CA10: variants seen among roughly 807,000 people sequenced by gnomAD.
The protein encoded by CA10 is carbonic anhydrase 10 (inactive).
CA10 carries 14 observed loss-of-function variants against 44.2 expected under a neutral mutation model. That is an observed-to-expected ratio of 0.32 (90% CI 0.21 to 0.50). CA10 has a LOEUF of 0.50. Ranked by LOEUF, CA10 falls within the 20% of genes least tolerant of loss-of-function variation. The pLI is 0.99. For synonymous variants in CA10, 159 were observed against 141.6 expected (o/e 1.12, Z -0.87); for missense variants, 350 against 409.7 (o/e 0.85, Z 1.26).
At chr17:52,102,315 T>C (rs1003890877) in intron 1 of CA10, among the ~76,000 whole-genome samples, 2 of 152,210 alleles carry the variant, frequency 1.3e-5, no homozygotes, top group Admixed American at 6.5e-5. Context: ...CCTTTTCTCA[T>C]CTCCTTAGTA....
chr17:51,997,438 T>G (rs1985276584), intron 2 of CA10, among the ~76,000 whole-genome samples: 1 of 152,094 alleles, frequency 6.6e-6, no homozygotes, highest in African/African-American at 2.4e-5. Flanking sequence ...GTAGATGGTA[T>G]GTTCTTAGTT....
chr17:51,971,210 A>G (rs1984268951), intron 2 of CA10, among the ~76,000 whole-genome samples: 1 of 152,084 alleles, frequency 6.6e-6, no homozygotes, highest in Non-Finnish European at 1.5e-5. Flanking sequence ...AAATGAACCT[A>G]GAATAAAACA....
intron 1 of CA10, among the ~76,000 whole-genome samples, chr17:52,073,587 C>T (rs748558851): frequency 1.2e-4 from 19 of 152,138 alleles, no homozygotes; most frequent in Non-Finnish European, 2.1e-4. Flanking sequence ...AGACAAAGAG[C>T]TTATTTAAGA....
chr17:51,919,718 C>T (rs1982152157), intron 3 of CA10, among the ~76,000 whole-genome samples: 1 of 152,172 alleles, frequency 6.6e-6, no homozygotes, highest in East Asian at 1.9e-4. Context: ...GTGGCACGAT[C>T]TCTGCTCACT....
chr17:52,124,141 G>C, intron 1 of CA10, among the ~76,000 whole-genome samples: 1 of 152,068 alleles, frequency 6.6e-6, no homozygotes, highest in East Asian at 1.9e-4. Flanking sequence ...TGTATTTCCT[G>C]CCTCTCCAAC....
intron 2 of CA10, among the ~76,000 whole-genome samples, chr17:51,960,223 A>G (rs917686160): frequency 2.0e-4 from 30 of 152,124 alleles, no homozygotes; most frequent in Admixed American, 4.6e-4. Flanking sequence ...ATAATCCTTT[A>G]TAAATAAGAG....
chr17:52,119,263 A>G (rs545999279), intron 1 of CA10, among the ~76,000 whole-genome samples: 9 of 120,140 alleles, frequency 7.5e-5, no homozygotes, highest in African/African-American at 1.9e-4. Flanking sequence ...ATGGCAAAGT[A>G]GTTATTTGTG....
At chr17:51,918,178 TA>T (rs1567884713) in intron 3 of CA10, among the ~76,000 whole-genome samples, 1 of 152,222 alleles carries the variant, frequency 6.6e-6, no homozygotes, top group Admixed American at 6.5e-5. Flanking sequence ...ATGCATTAAA[TA>T]GCAACATACT....
chr17:51,725,122 G>A, intron 4 of CA10, among the ~76,000 whole-genome samples: 1 of 152,232 alleles, frequency 6.6e-6, no homozygotes, highest in Non-Finnish European at 1.5e-5. Context: ...ACTGTAATCT[G>A]ATTCCAAAGC....
intron 3 of CA10, among the ~76,000 whole-genome samples, chr17:51,833,825 G>T (rs896180918): frequency 6.6e-6 from 1 of 152,176 alleles, no homozygotes; most frequent in Non-Finnish European, 1.5e-5. Flanking sequence ...ATATTGTGCT[G>T]TGTTGACATA....
At chr17:52,069,985 A>G (rs932886608) in intron 2 of CA10, among the ~76,000 whole-genome samples, 3 of 152,238 alleles carry the variant, frequency 2.0e-5, no homozygotes, top group African/African-American at 7.2e-5. Flanking sequence ...AATAAGAGGT[A>G]AGGGGTCCAT....
chr17:52,040,129 T>C (rs916986688), intron 2 of CA10, among the ~76,000 whole-genome samples: 3 of 145,394 alleles, frequency 2.1e-5, no homozygotes, highest in African/African-American at 7.9e-5. Flanking sequence ...GATCCCCTTT[T>C]TCCTTTCTTT....
rs540686330 is a variant in CA10, at chr17:51,900,270, GTTTCCT to G, written c.279+30714_279+30719del. On this transcript the variant is annotated intron_variant, in intron 3 of 8. Coordinates refer to ENST00000451037, the MANE Select transcript of CA10 (RefSeq NM_020178.5). ...TTTACTTGTCTAAAAAGATTCTTATGTTTCCTTTGCTTATGAAGCTTAGTTTGGCAG... is the reference window on the plus strand; with the variant it reads ...TTTACTTGTCTAAAAAGATTCTTATGTTGCTTATGAAGCTTAGTTTGGCAG... Among the ~76,000 whole-genome samples, 496 of 152,190 alleles carry G rather than the reference GTTTCCT, an allele frequency of 3.3e-3. 3 individuals carry two copies. Among genetic ancestry groups the G allele is most frequent in the African/African-American group, 0.012 (485 of 41,526 alleles).
intron 3 of CA10, among the ~76,000 whole-genome samples, chr17:51,883,740 T>C (rs1016485591): frequency 1.3e-5 from 2 of 152,222 alleles, no homozygotes; most frequent in African/African-American, 4.8e-5. Flanking sequence ...GGCTCAGTCC[T>C]TAAGCCTTTT....
chr17:51,958,058 A>G (rs1983733809), intron 2 of CA10, among the ~76,000 whole-genome samples: 1 of 152,164 alleles, frequency 6.6e-6, no homozygotes, highest in African/African-American at 2.4e-5. Context: ...GCAGGGACTC[A>G]TCTAATTCAT....
At chr17:52,119,405 G>C (rs543937781) in intron 1 of CA10, among the ~76,000 whole-genome samples, 1 of 152,314 alleles carries the variant, frequency 6.6e-6, no homozygotes, top group African/African-American at 2.4e-5. Flanking sequence ...GCTGATAAAA[G>C]TCCCTTGGGA....
intron 4 of CA10, among the ~76,000 whole-genome samples, chr17:51,730,948 G>A (rs1163254349): frequency 1.3e-5 from 2 of 151,856 alleles, no homozygotes; most frequent in East Asian, 3.8e-4. Flanking sequence ...ACCTTGGAAA[G>A]GACCGATACT....
At chr17:52,050,694 C>T (rs150453052) in intron 2 of CA10, among the ~76,000 whole-genome samples, 1 of 152,048 alleles carries the variant, frequency 6.6e-6, no homozygotes, top group African/African-American at 2.4e-5. Flanking sequence ...TTGTGCTCCA[C>T]CTTGTTGCAA....
rs568045146 is a variant in CA10, at chr17:51,709,125, A to G, written c.465+38508T>C. Among the ~76,000 whole-genome samples the G allele has an allele frequency of 2.0e-5, 3 of 148,982 alleles. No homozygotes were observed. The East Asian group carries it at 5.8e-4, about 29-fold the overall frequency. ...TCTGAGGGCAGAAACTCATTCATTCATCTATTCATTCATATATCCATCTAT... is the reference window on the plus strand; with the variant it reads ...TCTGAGGGCAGAAACTCATTCATTCGTCTATTCATTCATATATCCATCTAT... On this transcript the variant is annotated intron_variant, in intron 4 of 8. Transcript: ENST00000451037.
Sources: gnomAD v4.1 joint callset for allele counts (sites outside exome capture counted in the v4.1 genomes callset) on GRCh38, gnomAD v4.1.1 for gene constraint, MANE v1.5 for transcripts, NCBI Gene and HGNC (gene_info 2026-07-23, HGNC 2026-07-21) for gene names.